TCF4: variants seen among roughly 807,000 people sequenced by gnomAD.
TCF4 encodes the protein SL3-3 enhancer factor 2.
TCF4 carries 3 observed loss-of-function variants against 82.1 expected under a neutral mutation model. The ratio of observed to expected loss-of-function variants is 0.04; its 90% confidence interval spans 0.02 to 0.09. The LOEUF (loss-of-function observed/expected upper bound fraction) is 0.09. Ranked by LOEUF, TCF4 falls within the 10% of genes least tolerant of loss-of-function variation. The probability of loss-of-function intolerance (pLI) is 1.00; values close to 1 mark genes in which losing one functional copy is unlikely to be tolerated. For missense variants in TCF4, 518 were observed against 852.7 expected (o/e 0.61, Z 4.89); for synonymous variants, 276 against 309.6 (o/e 0.89, Z 1.14).
chr18:55,505,670 G>A (rs1313588017), intron 3 of TCF4, among the ~76,000 whole-genome samples: 5 of 151,036 alleles, frequency 3.3e-5, no homozygotes, highest in Admixed American at 1.3e-4. Flanking sequence ...CGGGCGTAGT[G>A]GCGGGCGCCT....
At chr18:55,417,465 T>C (rs915919600) in intron 5 of TCF4, among the ~76,000 whole-genome samples, 2 of 152,186 alleles carry the variant, frequency 1.3e-5, no homozygotes, top group African/African-American at 4.8e-5. Flanking sequence ...GTTTTCAATA[T>C]TAAGTCTAAA....
At chr18:55,382,870 C>T (rs557404338) in intron 6 of TCF4, among the ~76,000 whole-genome samples, 1 of 152,192 alleles carries the variant, frequency 6.6e-6, no homozygotes, top group Admixed American at 6.5e-5. Context: ...TTCCTCATTA[C>T]CTATTCTGAT....
At chr18:55,271,138 G>A (rs1261114) in intron 10 of TCF4, among the ~76,000 whole-genome samples, 68,245 of 151,788 alleles carry the variant, frequency 0.45, 16,642 homozygotes, top group African/African-American at 0.66. Context: ...TGTGAGATCC[G>A]TCTTGAATTC....
intron 5 of TCF4, among the ~76,000 whole-genome samples, chr18:55,445,858 C>T (rs1186080614): frequency 3.3e-5 from 5 of 152,156 alleles, no homozygotes; most frequent in Non-Finnish European, 4.4e-5. Flanking sequence ...GGCATTACCA[C>T]GTATATTATT....
At chr18:55,413,757 A>C (rs1473792472) in intron 5 of TCF4, among the ~76,000 whole-genome samples, 1 of 152,254 alleles carries the variant, frequency 6.6e-6, no homozygotes, top group Non-Finnish European at 1.5e-5. Context: ...AGTAGCCAGA[A>C]GAATGACCTC....
intron 3 of TCF4, among the ~76,000 whole-genome samples, chr18:55,468,986 G>T (rs752030510): frequency 6.6e-6 from 1 of 150,814 alleles, no homozygotes; most frequent in Non-Finnish European, 1.5e-5. Context: ...GTAGATGATA[G>T]AAATTCCTGT....
At chr18:55,364,527 T>C (rs1486425559) in intron 6 of TCF4, among the ~76,000 whole-genome samples, 5 of 152,192 alleles carry the variant, frequency 3.3e-5, no homozygotes, top group African/African-American at 1.2e-4. Context: ...ATAAAAAATA[T>C]AACCTGAGTA....
At chr18:55,322,560 C>A (rs1050579109) in intron 8 of TCF4, among the ~76,000 whole-genome samples, 18 of 152,182 alleles carry the variant, frequency 1.2e-4, no homozygotes, top group African/African-American at 3.6e-4. Context: ...AGCAGTGCGG[C>A]CCGCCCCGGG....
At chr18:55,561,982 A>G (rs1473336645) in intron 3 of TCF4, among the ~76,000 whole-genome samples, 3 of 152,244 alleles carry the variant, frequency 2.0e-5, no homozygotes, top group African/African-American at 7.2e-5. Context: ...GGAAAGGGCT[A>G]AGAGGGGAGG....
intron 3 of TCF4, among the ~76,000 whole-genome samples, chr18:55,500,623 T>G (rs1206937576): frequency 1.3e-5 from 2 of 152,206 alleles, no homozygotes; most frequent in Non-Finnish European, 2.9e-5. Context: ...ATAGGCATGC[T>G]CATGTTTTTA....
At chr18:55,474,288 C>T (rs950459145) in intron 3 of TCF4, among the ~76,000 whole-genome samples, 2 of 152,062 alleles carry the variant, frequency 1.3e-5, no homozygotes, top group African/African-American at 2.4e-5. Flanking sequence ...TACAGTACAA[C>T]CTTGTTCATC....
intron 8 of TCF4, among the ~76,000 whole-genome samples, chr18:55,288,494 G>T (rs2064231165): frequency 6.6e-6 from 1 of 152,120 alleles, no homozygotes; most frequent in Non-Finnish European, 1.5e-5. Context: ...GTCTTGTTTT[G>T]GAGTTTGAGT....
At chr18:55,628,702 A>C (rs2097728903) in intron 2 of TCF4, among the ~76,000 whole-genome samples, 1 of 152,204 alleles carries the variant, frequency 6.6e-6, no homozygotes, top group Non-Finnish European at 1.5e-5. Flanking sequence ...GCCAGAATTA[A>C]CCAAAACTTC....
chr18:55,280,058 A>T (rs1181000693), intron 8 of TCF4, among the ~76,000 whole-genome samples: 1 of 152,188 alleles, frequency 6.6e-6, no homozygotes. Context: ...ATGGTAGAGT[A>T]AAAACTCTAC....
chr18:55,539,941 G>A (rs1348221082), intron 3 of TCF4, among the ~76,000 whole-genome samples: 1 of 151,834 alleles, frequency 6.6e-6, no homozygotes. Flanking sequence ...CTTGCGCACC[G>A]GACATCCATT....
intron 5 of TCF4, among the ~76,000 whole-genome samples, chr18:55,426,566 T>C (rs1314599063): frequency 6.6e-6 from 1 of 152,176 alleles, no homozygotes; most frequent in Non-Finnish European, 1.5e-5. Flanking sequence ...TCTGTTCCCC[T>C]CTAATTATTT....
intron 1 of TCF4, among the ~76,000 whole-genome samples, 168 bp downstream of exon 1, chr18:55,587,870 C>G (rs1603624889): frequency 2.3e-5 from 1 of 44,324 alleles, no homozygotes; most frequent in Non-Finnish European, 4.6e-5. Context: ...GGGCTGGCGG[C>G]GAGGGGGAGG....
chr18:55,462,640 G>C (rs1013820663), intron 4 of TCF4, among the ~76,000 whole-genome samples: 6 of 152,120 alleles, frequency 3.9e-5, no homozygotes, highest in Non-Finnish European at 8.8e-5. Flanking sequence ...CTTGTTTTCT[G>C]AAACACAATT....
intron 5 of TCF4, among the ~76,000 whole-genome samples, chr18:55,435,912 A>C (rs1223500361): frequency 6.6e-6 from 1 of 152,240 alleles, no homozygotes; most frequent in Non-Finnish European, 1.5e-5. Context: ...AGCAACTCCA[A>C]GTATGTGGTG....
Sources: gnomAD v4.1 joint callset for allele counts (sites outside exome capture counted in the v4.1 genomes callset) on GRCh38, gnomAD v4.1.1 for gene constraint, MANE v1.5 for transcripts, NCBI Gene and HGNC (gene_info 2026-07-23, HGNC 2026-07-21) for gene names.